The following SYT2 variants were observed in gnomAD, a reference collection of about 807,000 sequenced individuals.
SYT2 encodes synaptotagmin-2.
Under a neutral mutation model 39.9 loss-of-function variants are expected in SYT2, and 15 were observed. The ratio of observed to expected loss-of-function variants is 0.38; its 90% CI spans 0.25 to 0.58. The LOEUF is 0.58. Among genes scored for constraint, SYT2 ranks in the 20% least tolerant of loss-of-function variants. The pLI is 0.70. For synonymous variants in SYT2, 181 were observed against 204.5 expected, an observed-to-expected ratio of 0.89 and a Z score of 0.98; for missense variants, 389 against 530.3, an observed-to-expected ratio of 0.73 and a Z score of 2.62.
At chr1:202,642,298 AG>A (rs889228735) in intron 1 of SYT2, among the ~76,000 whole-genome samples, 15 of 151,858 alleles carry the variant, frequency 9.9e-5, no homozygotes, top group African/African-American at 3.6e-4. Flanking sequence ...CAGTGACCAA[AG>A]GCAGCGATTC....
chr1:202,630,934 GACAA>G (rs1691568477), intron 1 of SYT2, among the ~76,000 whole-genome samples: 1 of 152,194 alleles, frequency 6.6e-6, no homozygotes, highest in Admixed American at 6.5e-5. Flanking sequence ...GACCACTGGT[GACAA>G]ACACTGTGTC....
intron 1 of SYT2, among the ~76,000 whole-genome samples, chr1:202,695,901 T>C (rs1653961619): frequency 6.6e-6 from 1 of 152,258 alleles, no homozygotes; most frequent in Non-Finnish European, 1.5e-5. Flanking sequence ...ATCTGCCATG[T>C]GCACTCCTCC....
At chr1:202,684,872 G>A (rs2149114292) in intron 1 of SYT2, among the ~76,000 whole-genome samples, 1 of 152,284 alleles carries the variant, frequency 6.6e-6, no homozygotes, top group South Asian at 2.1e-4. Flanking sequence ...TTCTAGCACT[G>A]ACACCCAACC....
chr1:202,650,522 G>A (rs566153553), intron 1 of SYT2, among the ~76,000 whole-genome samples: 7 of 149,356 alleles, frequency 4.7e-5, no homozygotes, highest in South Asian at 2.1e-4. Context: ...TGCAACCCCT[G>A]CCTCCCGGGT....
chr1:202,675,355 A>G (rs1558457849), intron 1 of SYT2, among the ~76,000 whole-genome samples: 1 of 148,734 alleles, frequency 6.7e-6, no homozygotes, highest in East Asian at 1.9e-4. Context: ...ACACTAAATA[A>G]TTATATATAT....
rs527728204 is a variant in SYT2 at position 202,601,355 on chromosome 1, T to A, written c.801+535A>T. Among the ~76,000 whole-genome samples, 2 of 152,270 alleles carry A rather than the reference T, an allele frequency of 1.3e-5. No homozygotes were observed. Among genetic ancestry groups the A allele is most frequent in the African/African-American group, 4.8e-5 (2 of 41,554 alleles). ...CCATCACTGCCTAGAGTGTGCCAGG[T>A]AGCAGGGCCCTGGCCAAGACAAATG... On this transcript the variant is annotated intron_variant, in intron 6 of 8. Transcript: ENST00000367268. This position sits in a 1 kb window ranked among gnomAD's most constrained non-coding sequence, Gnocchi z 4.0.
In SYT2 at chr1:202,600,364, G is replaced by A. The variant is rs71635588; in HGVS notation, c.912C>T (p.Gly304=). Residue 304 remains glycine, a synonymous_variant, in exon 7 of 9, where the codon GGC becomes GGT. Transcript: ENST00000367268. ...AKNLKKMDVG[G]LSDPYVKIHL... is the part of the protein sequence containing the mutation. ...CAGAAGCTCTCCACGTACCTGAAAGGCCGCCCACGTCCATCTTCTTGAGGT... is the reference window on the plus strand; with the variant it reads ...CAGAAGCTCTCCACGTACCTGAAAGACCGCCCACGTCCATCTTCTTGAGGT... The A allele has an allele frequency of 1.2e-6, 2 of 1,614,028 alleles. No homozygotes were observed. The highest frequency in any genetic ancestry group is 1.7e-6 in the Non-Finnish European group (2 of 1,179,944).
intron 1 of SYT2, among the ~76,000 whole-genome samples, chr1:202,634,385 C>T (rs1361526558): frequency 5.3e-5 from 8 of 151,946 alleles, no homozygotes; most frequent in African/African-American, 1.2e-4. Context: ...GGCGTGGTGG[C>T]GCATGCCTGT....
At chr1:202,651,105 G>A (rs1692184677) in intron 1 of SYT2, among the ~76,000 whole-genome samples, 1 of 152,166 alleles carries the variant, frequency 6.6e-6, no homozygotes, top group South Asian at 2.1e-4. Context: ...TTGAAGCAGG[G>A]AGCTGGCAGG....
At chr1:202,680,412 C>G (rs1026806779) in intron 1 of SYT2, among the ~76,000 whole-genome samples, 1 of 152,116 alleles carries the variant, frequency 6.6e-6, no homozygotes, top group African/African-American at 2.4e-5. Flanking sequence ...TATGGAGGCT[C>G]ATGCCTGTAA....
At chr1:202,658,675 GT>G (rs35321422) in intron 1 of SYT2, among the ~76,000 whole-genome samples, 67,282 of 146,528 alleles carry the variant, frequency 0.46, 16,420 homozygotes, top group East Asian at 0.78. Flanking sequence ...TTTTTTATTA[GT>G]TTTTTTTTTT....
At position 202,680,367 on chromosome 1, in the gene SYT2, C is replaced by G. The variant is rs571482603; in HGVS notation, c.-18+29891G>C. 4.9e-4 allele frequency among the ~76,000 whole-genome samples: 74 copies of G among 152,266 alleles called. 1 individual carries two copies. The highest frequency in any genetic ancestry group is 1.6e-3 in the African/African-American group (67 of 41,552). ...ATGATTCTTTCTCTCATACATAGAA[C>G]CTTTTGATGATTAAATTTGCCACTG... On this transcript the variant is annotated intron_variant, in intron 1 of 8. Transcript: ENST00000367268.
At chr1:202,644,123 C>T (rs1209577793) in intron 1 of SYT2, among the ~76,000 whole-genome samples, 1 of 152,178 alleles carries the variant, frequency 6.6e-6, no homozygotes, top group Non-Finnish European at 1.5e-5. Flanking sequence ...GCCCGCGGTC[C>T]CCACCCTCAG....
intron 1 of SYT2, among the ~76,000 whole-genome samples, chr1:202,676,419 G>A (rs1653375956): frequency 6.6e-6 from 1 of 152,164 alleles, no homozygotes; most frequent in African/African-American, 2.4e-5. Flanking sequence ...CCATCCATGG[G>A]TATCTGTCTG....
intron 1 of SYT2, among the ~76,000 whole-genome samples, chr1:202,661,241 C>A (rs193246105): frequency 6.6e-6 from 1 of 152,122 alleles, no homozygotes. Context: ...TTAGGACCAC[C>A]TGCCCCTGGG....
At chr1:202,667,714 T>TTTTA (rs1396362711) in intron 1 of SYT2, among the ~76,000 whole-genome samples, 1 of 151,896 alleles carries the variant, frequency 6.6e-6, no homozygotes. Context: ...TTTTATTTTA[T>TTTTA]TTTATTTATT....
chr1:202,600,359 G>T lies in SYT2; in HGVS notation c.917C>A (p.Ser306Ter). Residue 306 changes from serine to a stop codon, truncating the protein, a stop_gained and splice_region_variant, in exon 7 of 9, where the codon TCA becomes TAA. Coordinates refer to ENST00000367268, the MANE Select transcript of SYT2 (RefSeq NM_177402.5). LOFTEE classifies it high-confidence loss of function. ...NLKKMDVGGL[S>*]DPYVKIHLMQ... ...GCAGCCAGAAGCTCTCCACGTACCT[G>T]AAAGGCCGCCCACGTCCATCTTCTT... is the stretch of plus-strand genomic sequence containing the variant. 6.2e-7 allele frequency: 1 copy of T among 1,613,968 alleles called. No homozygotes were observed. Among genetic ancestry groups the T allele is most frequent in the South Asian group, 1.1e-5 (1 of 91,082 alleles).
In SYT2 at chr1:202,614,691, G is replaced by T. The variant is rs866730677; in HGVS notation, c.-17-8902C>A. Among the ~76,000 whole-genome samples the T allele has an allele frequency of 3.3e-5, 5 of 152,204 alleles. No individual in the cohort carries two copies. The highest frequency in any genetic ancestry group is 1.3e-4 in the Admixed American group (2 of 15,276). On this transcript the variant is annotated intron_variant, in intron 1 of 8. Transcript: ENST00000367268. The surrounding 1 kb of genome is among the most constrained non-coding windows in gnomAD (Gnocchi z 4.0). ...TTGATGATTGAACTGAGACCTGAAGGGTGAGTATTTATCCAGGTAAAGAGG... is the reference window on the plus strand; with the variant it reads ...TTGATGATTGAACTGAGACCTGAAGTGTGAGTATTTATCCAGGTAAAGAGG...
chr1:202,615,048 G>A (rs1277911004), intron 1 of SYT2, among the ~76,000 whole-genome samples: 3 of 152,170 alleles, frequency 2.0e-5, no homozygotes, highest in South Asian at 2.1e-4. Context: ...AGAGGAAAGC[G>A]GGGAAAGAGT....
Sources: gnomAD v4.1 joint callset for allele counts (sites outside exome capture counted in the v4.1 genomes callset) on GRCh38, gnomAD v4.1.1 for gene constraint, Gnocchi (gnomAD v3.1) non-coding constraint, MANE v1.5 for transcripts, NCBI Gene and HGNC (gene_info 2026-07-23, HGNC 2026-07-21) for gene names.